Variants in GALNT18 observed in about 807,000 individuals in gnomAD.
The protein encoded by GALNT18 is GalNAc-transferase 18.
Under a neutral mutation model 69.5 loss-of-function variants are expected in GALNT18, and 44 were observed. That is an observed-to-expected ratio of 0.63 (90% CI 0.50 to 0.81). The LOEUF is 0.81. Ranked by LOEUF, GALNT18 falls within the 40% of genes least tolerant of loss-of-function variation. GALNT18 has a pLI of 0.00. For synonymous variants in GALNT18, 364 were observed against 318.2 expected (o/e 1.14, Z -1.53); for missense variants, 715 against 810.0 (o/e 0.88, Z 1.42).
At chr11:11,351,241 A>T (rs958512381) in intron 6 of GALNT18, among the ~76,000 whole-genome samples, 6 of 152,220 alleles carry the variant, frequency 3.9e-5, no homozygotes, top group Admixed American at 3.9e-4. Context: ...ACTCCTGCAC[A>T]TCGGGCTGCT....
chr11:11,392,806 T>G (rs1417926802), intron 3 of GALNT18, among the ~76,000 whole-genome samples: 1 of 152,186 alleles, frequency 6.6e-6, no homozygotes. Context: ...TAAATTTTAT[T>G]TTTAATTATT....
At chr11:11,571,814 C>T (rs1033500280) in intron 1 of GALNT18, among the ~76,000 whole-genome samples, 5 of 152,314 alleles carry the variant, frequency 3.3e-5, no homozygotes, top group Middle Eastern at 3.4e-3. Context: ...CCTATGTCTG[C>T]ATTTCCACAA....
At chr11:11,481,378 A>T (rs1856526593) in intron 1 of GALNT18, among the ~76,000 whole-genome samples, 1 of 152,142 alleles carries the variant, frequency 6.6e-6, no homozygotes, top group Admixed American at 6.5e-5. Context: ...CTCAAGAAGG[A>T]GATGAAGAAA....
chr11:11,311,425 C>A (rs1849672807), intron 9 of GALNT18, among the ~76,000 whole-genome samples: 1 of 152,148 alleles, frequency 6.6e-6, no homozygotes, highest in Admixed American at 6.5e-5. Flanking sequence ...TGTGGTTTTG[C>A]AAGACCATTT....
intron 1 of GALNT18, among the ~76,000 whole-genome samples, chr11:11,516,358 A>G (rs55860905): frequency 0.16 from 23,821 of 152,256 alleles, 2,056 homozygotes; most frequent in South Asian, 0.22. Flanking sequence ...CTGGTTGGGC[A>G]CAGTGGCTCA....
In GALNT18 at chr11:11,389,588, A is replaced by G. The variant is rs1854134269; in HGVS notation, c.596-10324T>C. Among the ~76,000 whole-genome samples, 1 of 152,206 alleles carries G rather than the reference A, an allele frequency of 6.6e-6. No individual in the cohort carries two copies. Among genetic ancestry groups the G allele is most frequent in the African/African-American group, 2.4e-5 (1 of 41,434 alleles). On this transcript the variant is annotated intron_variant, in intron 3 of 10. Coordinates refer to ENST00000227756, the MANE Select transcript of GALNT18 (RefSeq NM_198516.3). This position sits in a 1 kb window ranked among gnomAD's most constrained non-coding sequence, Gnocchi z 4.3. ...CACAGGACTTACTAAAAATGCCATG[A>G]TAGGTGACTGATGTCAGCTGTGTCC... is the stretch of plus-strand genomic sequence containing the variant.
chr11:11,362,386 G>A (rs1239639160), intron 6 of GALNT18, among the ~76,000 whole-genome samples: 3 of 151,850 alleles, frequency 2.0e-5, no homozygotes, highest in Admixed American at 6.6e-5. Context: ...AAACAAACAC[G>A]AGAAGTAAAA....
At position 11,314,233 on chromosome 11, in the gene GALNT18, C is replaced by T. The variant is rs1368471880; in HGVS notation, c.1512+12853G>A. 6.6e-6 allele frequency among the ~76,000 whole-genome samples: 1 copy of T among 152,136 alleles called. No homozygotes were observed. The highest frequency in any genetic ancestry group is 1.5e-5 in the Non-Finnish European group (1 of 68,026). On this transcript the variant is annotated intron_variant, in intron 9 of 10. Transcript: ENST00000227756. This position sits in a 1 kb window ranked among gnomAD's most constrained non-coding sequence, Gnocchi z 5.2. ...TGGTTAGTGAGTCTGAACATTGGTCCACTGTGGAGCTGCTAATGACTGCTT... is the reference window on the plus strand; with the variant it reads ...TGGTTAGTGAGTCTGAACATTGGTCTACTGTGGAGCTGCTAATGACTGCTT...
At chr11:11,425,805 C>T (rs961410705) in intron 3 of GALNT18, among the ~76,000 whole-genome samples, 3 of 152,174 alleles carry the variant, frequency 2.0e-5, no homozygotes, top group Admixed American at 1.3e-4. Context: ...GCACAAAACA[C>T]GTGGCCACCA....
intron 1 of GALNT18, among the ~76,000 whole-genome samples, chr11:11,462,083 G>A (rs1252164876): frequency 6.6e-6 from 1 of 152,142 alleles, no homozygotes; most frequent in East Asian, 1.9e-4. Context: ...TACAGATCGT[G>A]GGGTCCCACC....
chr11:11,483,150 C>G (rs1019010209), intron 1 of GALNT18, among the ~76,000 whole-genome samples: 3 of 142,406 alleles, frequency 2.1e-5, no homozygotes, highest in Non-Finnish European at 4.6e-5. Context: ...ACTGCTGTGC[C>G]TAAGAGAGGG....
intron 9 of GALNT18, among the ~76,000 whole-genome samples, chr11:11,307,364 T>G (rs1043619416): frequency 6.6e-6 from 1 of 152,218 alleles, no homozygotes; most frequent in South Asian, 2.1e-4. Flanking sequence ...TATTTCCAAT[T>G]TAATGAGTTC....
rs562075764 is a variant in GALNT18 at position 11,584,867 on chromosome 11, G to A, written c.235+36492C>T. On this transcript the variant is annotated intron_variant, in intron 1 of 10. Transcript: ENST00000227756. This position sits in a 1 kb window ranked among gnomAD's most constrained non-coding sequence, Gnocchi z 4.1. ...TTTGGTGAACTTTTCTCAAAGTCTTGTCACTCCAAGGAAAATAAGTGATAA... is the reference window on the plus strand; with the variant it reads ...TTTGGTGAACTTTTCTCAAAGTCTTATCACTCCAAGGAAAATAAGTGATAA... 6.6e-6 allele frequency among the ~76,000 whole-genome samples: 1 copy of A among 152,244 alleles called. No homozygotes were observed. Among genetic ancestry groups the A allele is most frequent in the African/African-American group, 2.4e-5 (1 of 41,536 alleles).
intron 3 of GALNT18, among the ~76,000 whole-genome samples, chr11:11,407,863 G>A (rs1854626019): frequency 6.6e-6 from 1 of 152,164 alleles, no homozygotes; most frequent in Non-Finnish European, 1.5e-5. Flanking sequence ...AGAGAGGGAG[G>A]GAGGCCAGGG....
rs1854787089 is a variant in GALNT18, at chr11:11,413,780, A to G, written c.595+18841T>C. ...TCTTCAAGAGGATGACTGTGGAGCT[A>G]GCTGTGCAGCCAAGCCAGGCTCAGC... On this transcript the variant is annotated intron_variant, in intron 3 of 10. Coordinates refer to ENST00000227756, the MANE Select transcript of GALNT18 (RefSeq NM_198516.3). This position sits in a 1 kb window ranked among gnomAD's most constrained non-coding sequence, Gnocchi z 4.7. 6.6e-6 allele frequency among the ~76,000 whole-genome samples: 1 copy of G among 152,188 alleles called. No individual in the cohort carries two copies.
intron 9 of GALNT18, among the ~76,000 whole-genome samples, chr11:11,305,243 C>T (rs1849559884): frequency 6.6e-6 from 1 of 152,098 alleles, no homozygotes; most frequent in Non-Finnish European, 1.5e-5. Context: ...GCAGAGTGTG[C>T]CTTTTTAGTA....
At chr11:11,303,532 C>T (rs1849531856) in intron 9 of GALNT18, among the ~76,000 whole-genome samples, 1 of 152,056 alleles carries the variant, frequency 6.6e-6, no homozygotes, top group African/African-American at 2.4e-5. Flanking sequence ...GCCATTATGT[C>T]CAGGTCCTCA....
intron 1 of GALNT18, among the ~76,000 whole-genome samples, chr11:11,607,005 G>A (rs1385260969): frequency 6.6e-6 from 1 of 152,198 alleles, no homozygotes; most frequent in Non-Finnish European, 1.5e-5. Context: ...TGTGAGAACT[G>A]CAAAAGTAGG....
rs1258118909 is a variant in GALNT18, at chr11:11,590,983, A to AT, written c.235+30375dup. Among the ~76,000 whole-genome samples, 1 of 151,940 alleles carries AT rather than the reference A, an allele frequency of 6.6e-6. No individual in the cohort carries two copies. The highest frequency in any genetic ancestry group is 6.6e-5 in the Admixed American group (1 of 15,240). On this transcript the variant is annotated intron_variant, in intron 1 of 10. Transcript: ENST00000227756. This position sits in a 1 kb window ranked among gnomAD's most constrained non-coding sequence, Gnocchi z 4.4. ...TTTTAGAATATATTCCTTCTACTTAATTTTTTTTAAGTTAACTGTAAGACA... is the reference window on the plus strand; with the variant it reads ...TTTTAGAATATATTCCTTCTACTTAATTTTTTTTTAAGTTAACTGTAAGACA...
Sources: allele counts gnomAD v4.1 joint callset (sites outside exome capture counted in the v4.1 genomes callset), GRCh38; gene constraint gnomAD v4.1.1; non-coding constraint Gnocchi (gnomAD v3.1); transcripts MANE v1.5; gene names NCBI Gene and HGNC (gene_info 2026-07-23, HGNC 2026-07-21).